The following SPTBN4 variants were observed in gnomAD, a reference collection of about 807,000 sequenced individuals.
The protein encoded by SPTBN4 is spectrin beta chain, non-erythrocytic 4.
Under a neutral mutation model 277.8 loss-of-function variants are expected in SPTBN4, and 96 were observed. The observed-to-expected ratio is 0.35, with a 90% CI of 0.29 to 0.41. SPTBN4 has a LOEUF of 0.41. Among genes scored for constraint, SPTBN4 ranks in the 10% least tolerant of loss-of-function variants. The pLI, the probability that SPTBN4 is intolerant of heterozygous loss-of-function variation, is 1.00. For synonymous variants in SPTBN4, 1,481 were observed against 1,580.3 expected, an observed-to-expected ratio of 0.94 and a Z score of 1.49; for missense variants, 3,006 against 3,595.7, an observed-to-expected ratio of 0.84 and a Z score of 4.19.
intron 11 of SPTBN4, 112 bp from the exon 12 acceptor site, chr19:40,503,718 G>A: frequency 8.4e-7 from 1 of 1,193,936 alleles, no homozygotes; most frequent in Non-Finnish European, 1.1e-6. Flanking sequence ...ACTAGGGAGG[G>A]CAGGGCCAGT....
intron 7 of SPTBN4, among the ~76,000 whole-genome samples, chr19:40,499,635 G>A (rs949272451): frequency 2.6e-5 from 4 of 151,416 alleles, no homozygotes; most frequent in Non-Finnish European, 5.9e-5. Flanking sequence ...GGACTCAAGC[G>A]ATCCTCCCAC....
chr19:40,520,783 A>C (rs2080517788), intron 16 of SPTBN4, among the ~76,000 whole-genome samples: 1 of 152,204 alleles, frequency 6.6e-6, no homozygotes, highest in Admixed American at 6.5e-5. Flanking sequence ...ATGGGAACCA[A>C]GTTTGAGAAT....
intron 7 of SPTBN4, among the ~76,000 whole-genome samples, chr19:40,500,257 G>T (rs1366259584): frequency 2.0e-5 from 3 of 152,082 alleles, no homozygotes; most frequent in Non-Finnish European, 4.4e-5. Flanking sequence ...TCTGTGCCAG[G>T]CTAGTCTTTC....
chr19:40,479,035 A>C (rs961195111), intron 2 of SPTBN4, among the ~76,000 whole-genome samples: 11 of 152,200 alleles, frequency 7.2e-5, no homozygotes, highest in Non-Finnish European at 1.2e-4. Flanking sequence ...CAAAGTGCAA[A>C]TATGACGTAG....
At chr19:40,558,084 G>A (rs916514629) in intron 26 of SPTBN4, among the ~76,000 whole-genome samples, 1 of 152,056 alleles carries the variant, frequency 6.6e-6, no homozygotes, top group African/African-American at 2.4e-5. Flanking sequence ...ACAAGGCCAG[G>A]TGCGGTGGCT....
In SPTBN4 at chr19:40,549,371, C is replaced by G. The variant is rs1177918915; in HGVS notation, c.4542C>G (p.Ser1514=). 2 of 1,503,334 alleles carry G rather than the reference C, an allele frequency of 1.3e-6. No individual in the cohort carries two copies. Among genetic ancestry groups the G allele is most frequent in the Admixed American group, 2.1e-5 (1 of 48,142 alleles). The allele number at this position is 1,503,334 out of a possible 1,614,324, so 93.1% of individuals were successfully genotyped here. Residue 1514 remains serine (S), a synonymous_variant, in exon 21 of 36, where the codon TCC becomes TCG. Transcript: ENST00000598249. ...AGCGCCGCCGCTTGCTGCTGGCTTCCAAGGAGTTGCACCAGGTGGCGCACG... is the reference window on the plus strand; with the variant it reads ...AGCGCCGCCGCTTGCTGCTGGCTTCGAAGGAGTTGCACCAGGTGGCGCACG... ...LQERRRLLLA[S]KELHQVAHDL... is the part of the protein sequence containing the mutation.
At chr19:40,470,616 T>A (rs1483075570) in intron 1 of SPTBN4, among the ~76,000 whole-genome samples, 1 of 146,400 alleles carries the variant, frequency 6.8e-6, no homozygotes, top group East Asian at 2.1e-4. Flanking sequence ...CCCTCCACTT[T>A]AAATTTTTCT....
At chr19:40,473,591 A>G (rs1228740245) in intron 2 of SPTBN4, among the ~76,000 whole-genome samples, 1 of 151,530 alleles carries the variant, frequency 6.6e-6, no homozygotes, top group Non-Finnish European at 1.5e-5. Context: ...TCCCAACCTC[A>G]GGTGATCCAC....
At chr19:40,475,570 C>G (rs954494244) in intron 2 of SPTBN4, among the ~76,000 whole-genome samples, 1 of 152,010 alleles carries the variant, frequency 6.6e-6, no homozygotes, top group Non-Finnish European at 1.5e-5. Context: ...ATGAGATTCT[C>G]CCGCCTCGGG....
intron 27 of SPTBN4, among the ~76,000 whole-genome samples, chr19:40,563,780 T>G (rs2081066637): frequency 8.1e-6 from 1 of 122,902 alleles, no homozygotes. Flanking sequence ...GGCTCATGCC[T>G]GTAATCTCGG....
intron 30 of SPTBN4, chr19:40,566,980 AAAAC>A (rs2081098554): frequency 3.3e-6 from 1 of 305,550 alleles, no homozygotes; most frequent in Non-Finnish European, 6.7e-6. Flanking sequence ...CAATAAAAAA[AAAAC>A]AACAAAAAAA....
intron 31 of SPTBN4, among the ~76,000 whole-genome samples, chr19:40,569,335 G>C (rs796320273): frequency 6.0e-4 from 91 of 150,630 alleles, no homozygotes; most frequent in African/African-American, 2.0e-3. Flanking sequence ...TGAGGCAGGG[G>C]AATCGCTTCA....
intron 26 of SPTBN4, among the ~76,000 whole-genome samples, chr19:40,559,737 G>T (rs2145941004): frequency 6.6e-6 from 1 of 152,328 alleles, no homozygotes; most frequent in South Asian, 2.1e-4. Context: ...GGGGAGTAAT[G>T]GCAATTGAAC....
At position 40,572,197 on chromosome 19, in the gene SPTBN4, GC is replaced by G. The variant is rs769345667; in HGVS notation, c.7493+11del. ...GAAGCATGTCTTCAAGCTCCAGTGA[GC>G]CCCCCAATGGGCAGGAGGGAGGGAT... On this transcript the variant is annotated splice_donor_region_variant and intron_variant, in intron 34 of 35. Transcript: ENST00000598249. 1.9e-6 allele frequency: 3 copies of G among 1,594,910 alleles called. No individual in the cohort carries two copies. The highest frequency in any genetic ancestry group is 1.1e-5 in the South Asian group (1 of 89,082).
intron 20 of SPTBN4, among the ~76,000 whole-genome samples, chr19:40,546,049 CAAAAAAA>C (rs35750238): frequency 3.3e-5 from 3 of 91,784 alleles, no homozygotes; most frequent in African/African-American, 4.4e-5. Context: ...GACTCTGCCT[CAAAAAAA>C]AAAAAAAAAA....
At chr19:40,495,069 C>T (rs2080180924) in intron 6 of SPTBN4, 92 bp downstream of exon 6, 2 of 1,215,960 alleles carry the variant, frequency 1.6e-6, no homozygotes, top group Non-Finnish European at 2.4e-6. Flanking sequence ...GTAGATGGCA[C>T]ACACAGACAT....
At position 40,519,333 on chromosome 19, in the gene SPTBN4, G is replaced by C. The variant is rs1163506980; in HGVS notation, c.2904-68G>C. The stretch of plus-strand genomic sequence containing the variant: ...GGCTTGGGCCTGGATTCTACCCTGG[G>C]TCGGCGGGCCCTCCGCGCCCAAGAG... On this transcript the variant is annotated intron_variant, in intron 15 of 35. Coordinates refer to ENST00000598249, the MANE Select transcript of SPTBN4 (RefSeq NM_020971.3). The surrounding 1 kb of genome is among the most constrained non-coding windows in gnomAD (Gnocchi z 5.7). The C allele has an allele frequency of 2.8e-6, 4 of 1,410,420 alleles. No individual in the cohort carries two copies. The Admixed American group carries it at 1.2e-4, about 41-fold the overall frequency. The allele number at this position is 1,410,420 out of a possible 1,614,324, so 87.4% of individuals were successfully genotyped here. A position where few individuals can be genotyped will look rare whatever the true frequency, so the allele number is the denominator to read the frequency against.
intron 20 of SPTBN4, among the ~76,000 whole-genome samples, chr19:40,547,129 A>G (rs1206514965): frequency 2.0e-5 from 3 of 151,896 alleles, no homozygotes; most frequent in Non-Finnish European, 4.4e-5. Context: ...TGCTGCACCC[A>G]TTAACTCGTC....
chr19:40,495,825 T>C (rs764546778), intron 6 of SPTBN4, among the ~76,000 whole-genome samples: 1 of 152,016 alleles, frequency 6.6e-6, no homozygotes, highest in Non-Finnish European at 1.5e-5. Flanking sequence ...TCGCATGACA[T>C]ATTGGGGAAA....
Sources: gnomAD v4.1 joint callset for allele counts (sites outside exome capture counted in the v4.1 genomes callset) on GRCh38, gnomAD v4.1.1 for gene constraint, Gnocchi (gnomAD v3.1) non-coding constraint, MANE v1.5 for transcripts, NCBI Gene and HGNC (gene_info 2026-07-23, HGNC 2026-07-21) for gene names.